The following NCAPG2 variants were observed in gnomAD, a reference collection of about 807,000 sequenced individuals.
The protein encoded by NCAPG2 is non-SMC condensin II complex subunit G2, also known as condensin-2 complex subunit G2.
NCAPG2 carries 53 observed loss-of-function variants against 141.1 expected under a neutral mutation model. That is an observed-to-expected ratio of 0.38 (90% CI 0.30 to 0.47). The LOEUF (loss-of-function observed/expected upper bound fraction) is 0.47, where lower values mean the gene tolerates loss of function less well. Among genes scored for constraint, NCAPG2 ranks in the 20% least tolerant of loss-of-function variants. NCAPG2 has a pLI of 0.99. For missense variants in NCAPG2, 1,087 were observed against 1,389.0 expected (o/e 0.78, Z 3.46); for synonymous variants, 499 against 490.7 (o/e 1.02, Z -0.22).
chr7:158,667,404 C>T (rs1317409832), intron 13 of NCAPG2, among the ~76,000 whole-genome samples: 2 of 89,588 alleles, frequency 2.2e-5, no homozygotes, highest in African/African-American at 7.4e-5. Context: ...GTCCCTCCGC[C>T]CTCCTTACCC....
chr7:158,682,261 A>G (rs1834493810), intron 9 of NCAPG2, among the ~76,000 whole-genome samples: 1 of 152,142 alleles, frequency 6.6e-6, no homozygotes, highest in Non-Finnish European at 1.5e-5. Flanking sequence ...ATTCTACTAA[A>G]TAAAATTTGA....
In NCAPG2 at chr7:158,658,358, G is replaced by A. The variant is rs976393024; in HGVS notation, c.2040C>T (p.Ala680=). The A allele has an allele frequency of 6.2e-7, 1 of 1,612,024 alleles. No individual in the cohort carries two copies. Among genetic ancestry groups the A allele is most frequent in the Non-Finnish European group, 8.5e-7 (1 of 1,179,026 alleles). The change falls in exon 17 of 28, where the codon GCC becomes GCT. Residue 680 remains alanine, a synonymous_variant. Transcript: ENST00000356309. ...PLFMLMSFMP[A]SAVPPFSCGV... is the part of the protein sequence containing the mutation. ...AATACCTGAATGGGGGGACAGCAGA[G>A]GCCGGCATAAAGGACATTAGCATGA...
At chr7:158,693,541 T>C in intron 2 of NCAPG2, 44 bp from the exon 3 acceptor site, 2 of 1,504,696 alleles carry the variant, frequency 1.3e-6, no homozygotes, top group Non-Finnish European at 1.8e-6. Flanking sequence ...TACAAAAAAT[T>C]AATCATATCC....
At chr7:158,698,275 G>A (rs1004270219) in intron 2 of NCAPG2, among the ~76,000 whole-genome samples, 3 of 152,192 alleles carry the variant, frequency 2.0e-5, no homozygotes, top group Admixed American at 6.5e-5. Context: ...TAAATTTACT[G>A]TAGCCCAAGT....
intron 13 of NCAPG2, among the ~76,000 whole-genome samples, chr7:158,668,893 C>T (rs752419125): frequency 1.1e-4 from 16 of 152,140 alleles, no homozygotes; most frequent in Non-Finnish European, 2.4e-4. Context: ...CATCCATTAG[C>T]CATTATTCCT....
intron 27 of NCAPG2, among the ~76,000 whole-genome samples, chr7:158,643,417 A>T (rs1830778910): frequency 6.6e-6 from 1 of 152,162 alleles, no homozygotes; most frequent in South Asian, 2.1e-4. Flanking sequence ...GGGTTTTACC[A>T]TGTTGGCCAG....
At chr7:158,656,477 C>T (rs1421258480) in intron 18 of NCAPG2, 44 bp from the exon 19 acceptor site, 1 of 1,610,178 alleles carries the variant, frequency 6.2e-7, no homozygotes, top group Non-Finnish European at 8.5e-7. Flanking sequence ...ACACACGTCC[C>T]TAGAAAAGCA....
intron 13 of NCAPG2, among the ~76,000 whole-genome samples, chr7:158,669,639 C>T (rs1000497054): frequency 1.2e-4 from 18 of 151,732 alleles, no homozygotes; most frequent in East Asian, 1.9e-4. Context: ...CATGGTGGCA[C>T]GTGCCTGTAG....
Position 158,681,761 on chromosome 7 carries a change from G to A in NCAPG2, c.925-945C>T, listed in dbSNP as rs142140623. ...AAACAGCTTAAGACTTAATTCACAT[G>A]CCACAAAATCTACTGTTTTAAAGTA... On this transcript the variant is annotated intron_variant, in intron 9 of 27. Coordinates refer to ENST00000356309, the MANE Select transcript of NCAPG2 (RefSeq NM_017760.7). Among the ~76,000 whole-genome samples, 24 of 152,206 alleles carry A rather than the reference G, an allele frequency of 1.6e-4. 1 individual carries two copies. Among genetic ancestry groups the A allele is most frequent in the African/African-American group, 5.3e-4 (22 of 41,526 alleles).
chr7:158,663,463 G>A (rs983911232), intron 15 of NCAPG2, among the ~76,000 whole-genome samples: 3 of 152,214 alleles, frequency 2.0e-5, no homozygotes, highest in Non-Finnish European at 2.9e-5. Flanking sequence ...GGCCCATCAC[G>A]GTGTGGTGGG....
At chr7:158,641,682 A>G (rs1414883863) in intron 27 of NCAPG2, 2 of 455,416 alleles carry the variant, frequency 4.4e-6, no homozygotes, top group Non-Finnish European at 7.8e-6. Context: ...ATTATCAGAG[A>G]TAAAGAAGAG....
Position 158,655,114 on chromosome 7 carries a change from T to C in NCAPG2, c.2646+4A>G. On this transcript the variant is annotated splice_donor_region_variant and intron_variant, in intron 21 of 27. Transcript: ENST00000356309. ...AAAGTTTTCTGTGTCTTAAGACTTC[T>C]AACCTGGATAATTTGCTGATAAATG... 6.2e-7 allele frequency: 1 copy of C among 1,606,554 alleles called. No individual in the cohort carries two copies. Among genetic ancestry groups the C allele is most frequent in the Non-Finnish European group, 8.5e-7 (1 of 1,178,104 alleles).
intron 13 of NCAPG2, among the ~76,000 whole-genome samples, chr7:158,669,640 G>A (rs1031930363): frequency 5.9e-5 from 9 of 151,566 alleles, no homozygotes; most frequent in South Asian, 2.1e-4. Context: ...ATGGTGGCAC[G>A]TGCCTGTAGT....
chr7:158,652,077 G>A (rs1831532192), intron 23 of NCAPG2, among the ~76,000 whole-genome samples: 1 of 152,268 alleles, frequency 6.6e-6, no homozygotes, highest in South Asian at 2.1e-4. Flanking sequence ...TCCAGCCCAT[G>A]CACAGGGGTC....
chr7:158,656,023 C>T (rs1831946760), intron 19 of NCAPG2, among the ~76,000 whole-genome samples: 1 of 152,194 alleles, frequency 6.6e-6, no homozygotes, highest in Non-Finnish European at 1.5e-5. Context: ...GTCCTAGCGC[C>T]CTAGCAGGTG....
intron 15 of NCAPG2, among the ~76,000 whole-genome samples, chr7:158,662,912 T>C (rs945046288): frequency 5.9e-5 from 9 of 152,216 alleles, no homozygotes; most frequent in Non-Finnish European, 1.2e-4. Context: ...ACTATGATCA[T>C]GGGCTTCTTT....
chr7:158,685,168 G>T (rs541512715), intron 8 of NCAPG2, among the ~76,000 whole-genome samples: 2 of 152,156 alleles, frequency 1.3e-5, no homozygotes, highest in South Asian at 4.1e-4. Context: ...TGTCCAAAAG[G>T]GTATCTGGAT....
At chr7:158,652,688 TTTAAG>T (rs1286256699) in intron 22 of NCAPG2, among the ~76,000 whole-genome samples, 2 of 152,242 alleles carry the variant, frequency 1.3e-5, no homozygotes, top group African/African-American at 4.8e-5. Flanking sequence ...GTTTGTCCCA[TTTAAG>T]TTAAAACTGA....
chr7:158,660,735 T>C (rs1295337655), intron 16 of NCAPG2, among the ~76,000 whole-genome samples: 3 of 152,210 alleles, frequency 2.0e-5, no homozygotes, highest in Admixed American at 6.5e-5. Flanking sequence ...TACCATTTAC[T>C]GGTAAATTAT....
Sources: gnomAD v4.1 joint callset for allele counts (sites outside exome capture counted in the v4.1 genomes callset) on GRCh38, gnomAD v4.1.1 for gene constraint, MANE v1.5 for transcripts, NCBI Gene and HGNC (gene_info 2026-07-23, HGNC 2026-07-21) for gene names.